APP: variants seen among roughly 807,000 people sequenced by gnomAD.
APP encodes the protein amyloid beta precursor protein, also known as amyloid-beta precursor protein.
Under a neutral mutation model 101.4 loss-of-function variants are expected in APP, and 31 were observed. The ratio of observed to expected loss-of-function variants is 0.31; its 90% confidence interval spans 0.23 to 0.41. The LOEUF (loss-of-function observed/expected upper bound fraction) is 0.41. Ranked by LOEUF, APP falls within the 10% of genes least tolerant of loss-of-function variation. The pLI, the probability that APP is intolerant of heterozygous loss-of-function variation, is 1.00. For synonymous variants in APP, 366 were observed against 364.4 expected (o/e 1.00, Z -0.05); for missense variants, 839 against 1,003.7 (o/e 0.84, Z 2.22).
Position 26,021,930 on chromosome 21 carries a change from C to T in APP, c.775G>A (p.Glu259Lys). 1.2e-6 allele frequency: 2 copies of T among 1,613,352 alleles called. No homozygotes were observed. Among genetic ancestry groups the T allele is most frequent in the Non-Finnish European group, 1.7e-6 (2 of 1,179,602 alleles). The change falls in exon 6 of 18, where the codon GAG (glutamate) becomes AAG (lysine). Residue 259 changes from glutamate to lysine, a missense_variant. Physicochemically the swap from Glu to Lys is moderately conservative, Grantham distance 56. Transcript: ENST00000346798. ...EDGDEVEEEA[E>K]EPYEEATERT... ...TCTGTGGCTTCTTCGTAGGGTTCCT[C>T]AGCCTCTTCCTCTACCTCATCACCA...
chr21:26,098,751 ACCTTTAG>A (rs934343412), intron 2 of APP, among the ~76,000 whole-genome samples: 2 of 152,260 alleles, frequency 1.3e-5, no homozygotes, highest in Non-Finnish European at 2.9e-5. Context: ...TTTAAAATTC[ACCTTTAG>A]CCAAATTCTT....
At chr21:26,122,419 T>C (rs2062594232) in intron 1 of APP, among the ~76,000 whole-genome samples, 2 of 152,352 alleles carry the variant, frequency 1.3e-5, no homozygotes, top group South Asian at 4.1e-4. Context: ...AGTTATCATA[T>C]TGTCTTCAAT....
chr21:25,888,903 T>G (rs761806758), intron 17 of APP, among the ~76,000 whole-genome samples: 29 of 152,238 alleles, frequency 1.9e-4, no homozygotes, highest in Non-Finnish European at 4.0e-4. Context: ...AGTGTTAAAA[T>G]GATGTGTCAG....
chr21:26,136,197 G>GAA (rs1245682147), intron 1 of APP, among the ~76,000 whole-genome samples: 4 of 124,162 alleles, frequency 3.2e-5, no homozygotes, highest in African/African-American at 1.2e-4. Context: ...AAGAAAGAAA[G>GAA]AAAGAAAAGA....
chr21:26,160,924 A>G (rs1336738637), intron 1 of APP, among the ~76,000 whole-genome samples: 1 of 152,244 alleles, frequency 6.6e-6, no homozygotes, highest in Non-Finnish European at 1.5e-5. Context: ...GTATTTATGA[A>G]ACCTTTTCAC....
intron 15 of APP, chr21:25,897,876 T>C: frequency 1.7e-6 from 1 of 585,864 alleles, no homozygotes; most frequent in Non-Finnish European, 3.0e-6. Flanking sequence ...AATGAAAGGG[T>C]AAGGGAAACC....
chr21:26,065,103 C>T (rs1031849197), intron 3 of APP, among the ~76,000 whole-genome samples: 4 of 152,156 alleles, frequency 2.6e-5, no homozygotes, highest in African/African-American at 9.7e-5. Flanking sequence ...ATCCACCTGC[C>T]TCGGCCTCCC....
intron 1 of APP, among the ~76,000 whole-genome samples, chr21:26,136,169 A>AAAG (rs1555882167): frequency 0.021 from 1,887 of 91,610 alleles, 54 homozygotes; most frequent in South Asian, 0.044. Flanking sequence ...GAAAAGAAAG[A>AAAG]AAAGAAAGAA....
chr21:25,913,548 G>C (rs777794039), intron 13 of APP, among the ~76,000 whole-genome samples: 7 of 152,144 alleles, frequency 4.6e-5, no homozygotes, highest in Non-Finnish European at 7.3e-5. Context: ...TGACTGTTAA[G>C]CACTTACTAT....
chr21:25,897,904 C>T, intron 15 of APP: 3 of 552,960 alleles, frequency 5.4e-6, no homozygotes, highest in Non-Finnish European at 3.2e-6. Context: ...AAGGCTTCTG[C>T]TGCCTTTAAA....
intron 13 of APP, among the ~76,000 whole-genome samples, chr21:25,929,187 C>T (rs1011044849): frequency 2.0e-5 from 3 of 152,152 alleles, no homozygotes; most frequent in Non-Finnish European, 2.9e-5. Context: ...GTGATTGTTA[C>T]GTGAAATTCT....
chr21:25,881,869 T>G (rs2037009059), intron 17 of APP, 98 bp from the exon 18 acceptor site: 1 of 1,254,728 alleles, frequency 8.0e-7, no homozygotes, highest in South Asian at 1.2e-5. Flanking sequence ...AGTACTCTTC[T>G]TTTGCCAAGA....
Position 25,938,424 on chromosome 21 carries a change from AT to A in APP, c.1687+16165del, listed in dbSNP as rs1161544430. On this transcript the variant is annotated intron_variant, in intron 13 of 17. Coordinates refer to ENST00000346798, the MANE Select transcript of APP (RefSeq NM_000484.4). ...TAAATACATTCTGAGTCTCTGCTTC[AT>A]TTTTTTTTTCAATGAAAATGACAAT... Among the ~76,000 whole-genome samples the A allele has an allele frequency of 1.2e-4, 18 of 149,222 alleles. No homozygotes were observed. In the South Asian group the frequency reaches 2.1e-3, roughly 18 times the overall value.
chr21:25,982,038 T>TACA (rs2042452300), intron 9 of APP, among the ~76,000 whole-genome samples: 4 of 152,218 alleles, frequency 2.6e-5, no homozygotes, highest in African/African-American at 9.7e-5. Flanking sequence ...TACAACATGT[T>TACA]GATTACAGGT....
At chr21:25,975,380 T>C in intron 10 of APP, 152 bp from the exon 11 acceptor site, 1 of 1,029,976 alleles carries the variant, frequency 9.7e-7, no homozygotes, top group Non-Finnish European at 1.4e-6. Context: ...TGACTAATTC[T>C]ACGTTTTATA....
At chr21:26,102,149 C>T (rs950302544) in intron 2 of APP, among the ~76,000 whole-genome samples, 7 of 133,512 alleles carry the variant, frequency 5.2e-5, no homozygotes, top group African/African-American at 1.5e-4. Flanking sequence ...AGTGCAGCGG[C>T]GCGATCTCGG....
chr21:26,168,955 C>T (rs1161666264), intron 1 of APP, among the ~76,000 whole-genome samples: 2 of 152,188 alleles, frequency 1.3e-5, no homozygotes, highest in Non-Finnish European at 2.9e-5. Context: ...AGGAAAACAT[C>T]TGCCCGGAAA....
rs544177944 is a variant in APP at position 26,156,198 on chromosome 21, T to A, written c.57+14366A>T. On this transcript the variant is annotated intron_variant, in intron 1 of 17. Transcript: ENST00000346798. ...AAAAAGATTATAATCTCCCATTTTT[T>A]AAAACACATTTGATATTAGTAGGAA... Among the ~76,000 whole-genome samples the A allele has an allele frequency of 2.6e-5, 4 of 152,312 alleles. No individual in the cohort carries two copies. The East Asian group carries it at 7.7e-4, about 29-fold the overall frequency.
chr21:26,060,523 C>A (rs760041141), intron 3 of APP, among the ~76,000 whole-genome samples: 5 of 152,010 alleles, frequency 3.3e-5, no homozygotes, highest in Admixed American at 1.3e-4. Context: ...ACAGATAAAA[C>A]GATATATGAT....
Sources: allele counts gnomAD v4.1 joint callset (sites outside exome capture counted in the v4.1 genomes callset), GRCh38; gene constraint gnomAD v4.1.1; transcripts MANE v1.5; gene names NCBI Gene and HGNC (gene_info 2026-07-23, HGNC 2026-07-21).